AGMO: variants seen among roughly 807,000 people sequenced by gnomAD.
AGMO encodes the protein alkylglycerol monooxygenase, also known as glyceryl-ether monooxygenase.
AGMO carries 75 observed loss-of-function variants against 60.2 expected under a neutral mutation model. The ratio of observed to expected loss-of-function variants is 1.25; its 90% CI spans 1.03 to 1.51. AGMO has a LOEUF of 1.51. Among genes scored for constraint, AGMO ranks in the 40% most tolerant of loss-of-function variants. AGMO has a pLI of 0.00. For missense variants in AGMO, 763 were observed against 525.5 expected (o/e 1.45, Z -4.42); for synonymous variants, 261 against 177.1 (o/e 1.47, Z -3.76).
chr7:15,541,285 C>G (rs1784624178), intron 3 of AGMO, among the ~76,000 whole-genome samples: 2 of 151,926 alleles, frequency 1.3e-5, no homozygotes. Flanking sequence ...ACCACACCTG[C>G]TAATTTTTGT....
chr7:15,555,332 C>G (rs946965516), intron 2 of AGMO, among the ~76,000 whole-genome samples: 4 of 137,976 alleles, frequency 2.9e-5, no homozygotes. Context: ...CACACACACA[C>G]ACACATATGT....
chr7:15,459,969 A>G (rs891627461), intron 3 of AGMO, among the ~76,000 whole-genome samples: 7 of 152,092 alleles, frequency 4.6e-5, no homozygotes, highest in Non-Finnish European at 7.3e-5. Context: ...TCATTTACTG[A>G]TTAAATATTC....
chr7:15,558,498 T>C (rs1785213418), intron 2 of AGMO, among the ~76,000 whole-genome samples: 1 of 152,042 alleles, frequency 6.6e-6, no homozygotes, highest in Admixed American at 6.6e-5. Flanking sequence ...CCCTTGGGCA[T>C]GTTGAATGTT....
At chr7:15,330,662 A>G (rs1027903572) in intron 12 of AGMO, among the ~76,000 whole-genome samples, 6 of 152,148 alleles carry the variant, frequency 3.9e-5, no homozygotes, top group African/African-American at 1.2e-4. Flanking sequence ...GGAGAAATAC[A>G]TTCTTACATA....
intron 12 of AGMO, among the ~76,000 whole-genome samples, chr7:15,339,371 T>A (rs1781760742): frequency 6.6e-6 from 1 of 152,176 alleles, no homozygotes; most frequent in African/African-American, 2.4e-5. Context: ...AAGACATGAT[T>A]GTAATTAACA....
At chr7:15,551,130 A>T (rs1784947884) in intron 2 of AGMO, among the ~76,000 whole-genome samples, 1 of 152,226 alleles carries the variant, frequency 6.6e-6, no homozygotes, top group Non-Finnish European at 1.5e-5. Context: ...CTTCATGCTA[A>T]AAGCTCTCAA....
rs532158430 is a variant in AGMO at position 15,313,408 on chromosome 7, C to G, written c.1263+52106G>C. ...GCTTAAGTGTTCAAAGATTCTAAAA[C>G]TACTAAGTACTTTGGCCCATATTCA... On this transcript the variant is annotated intron_variant, in intron 12 of 12. Coordinates refer to ENST00000342526, the MANE Select transcript of AGMO (RefSeq NM_001004320.2). 1.3e-4 allele frequency among the ~76,000 whole-genome samples: 20 copies of G among 152,264 alleles called. No homozygotes were observed. The East Asian group carries it at 1.7e-3, about 13-fold the overall frequency.
the AGMO span, among the ~76,000 whole-genome samples, chr7:15,164,988 G>A: frequency 6.6e-6 from 1 of 152,046 alleles, no homozygotes; most frequent in Non-Finnish European, 1.5e-5. Context: ...ATTAACCTAA[G>A]AGTTCATCAA....
the AGMO span, among the ~76,000 whole-genome samples, chr7:15,179,688 C>G: frequency 6.6e-6 from 1 of 152,160 alleles, no homozygotes. Flanking sequence ...CCTCTAGGCA[C>G]TGCCCTAGTG....
At chr7:15,271,321 T>C (rs1271375356) in intron 12 of AGMO, among the ~76,000 whole-genome samples, 1 of 152,148 alleles carries the variant, frequency 6.6e-6, no homozygotes, top group Non-Finnish European at 1.5e-5. Flanking sequence ...TTTCCATTTG[T>C]TTATGTCATC....
chr7:15,292,702 ATC>A (rs1452456686), intron 12 of AGMO, among the ~76,000 whole-genome samples: 1 of 150,636 alleles, frequency 6.6e-6, no homozygotes, highest in African/African-American at 2.4e-5. Flanking sequence ...TATCAATAGA[ATC>A]TCTGAGTCTC....
At chr7:15,208,416 A>G (rs1467457405) in intron 12 of AGMO, among the ~76,000 whole-genome samples, 1 of 152,166 alleles carries the variant, frequency 6.6e-6, no homozygotes, top group Non-Finnish European at 1.5e-5. Context: ...ATGGAACCTC[A>G]TGTTCTTTAC....
At chr7:15,503,897 C>T (rs2128526412) in intron 3 of AGMO, among the ~76,000 whole-genome samples, 1 of 152,058 alleles carries the variant, frequency 6.6e-6, no homozygotes, top group Non-Finnish European at 1.5e-5. Flanking sequence ...ATGATAAAAA[C>T]ATATTTTACT....
chr7:15,170,836 T>C, the AGMO span, among the ~76,000 whole-genome samples: 5 of 152,200 alleles, frequency 3.3e-5, no homozygotes, highest in Admixed American at 2.0e-4. Context: ...TTGGCTGTGA[T>C]AGTGTCTGAG....
intron 12 of AGMO, among the ~76,000 whole-genome samples, chr7:15,342,687 A>G (rs983462158): frequency 4.0e-5 from 6 of 150,448 alleles, no homozygotes; most frequent in Admixed American, 6.7e-5. Context: ...GTTTCATTAA[A>G]TACATATTTA....
intron 3 of AGMO, among the ~76,000 whole-genome samples, chr7:15,528,769 C>T (rs1328842660): frequency 1.3e-5 from 2 of 152,128 alleles, no homozygotes; most frequent in South Asian, 2.1e-4. Context: ...CCACTTCAGA[C>T]TCCCAAGTAG....
intron 10 of AGMO, among the ~76,000 whole-genome samples, chr7:15,369,264 C>T (rs1464778206): frequency 6.6e-6 from 1 of 152,066 alleles, no homozygotes; most frequent in South Asian, 2.1e-4. Context: ...TACCACAGCC[C>T]CCAACCCACA....
At chr7:15,302,671 C>A (rs1011168091) in intron 12 of AGMO, among the ~76,000 whole-genome samples, 3 of 152,092 alleles carry the variant, frequency 2.0e-5, no homozygotes, top group Admixed American at 1.3e-4. Flanking sequence ...TAGCTGTTTT[C>A]AATTTAAAAG....
chr7:15,208,778 T>C (rs1781503965), intron 12 of AGMO, among the ~76,000 whole-genome samples: 1 of 152,206 alleles, frequency 6.6e-6, no homozygotes, highest in Non-Finnish European at 1.5e-5. Flanking sequence ...TCATTTAATT[T>C]TTCTGCATAC....
Sources: gnomAD v4.1 joint callset for allele counts (sites outside exome capture counted in the v4.1 genomes callset) on GRCh38, gnomAD v4.1.1 for gene constraint, MANE v1.5 for transcripts, NCBI Gene and HGNC (gene_info 2026-07-23, HGNC 2026-07-21) for gene names.